AUH: variants seen among roughly 807,000 people sequenced by gnomAD.
The protein encoded by AUH is AU RNA binding methylglutaconyl-CoA hydratase, also known as methylglutaconyl-CoA hydratase, mitochondrial.
In AUH, 29 loss-of-function variants were observed where a neutral mutation model predicts 42.3. The observed-to-expected ratio is 0.69, with a 90% CI of 0.51 to 0.93. The LOEUF (loss-of-function observed/expected upper bound fraction) is 0.93, where lower values mean the gene tolerates loss of function less well. AUH is among the 40% of genes least tolerant of loss of function. The probability of loss-of-function intolerance (pLI) is 0.00; values close to 1 mark genes in which losing one functional copy is unlikely to be tolerated. For missense variants in AUH, 452 were observed against 438.1 expected, an observed-to-expected ratio of 1.03 and a Z score of -0.28; for synonymous variants, 174 against 166.4, an observed-to-expected ratio of 1.05 and a Z score of -0.35.
Position 91,330,491 on chromosome 9 carries a change from T to C in AUH, c.419-5087A>G, listed in dbSNP as rs145228908. On this transcript the variant is annotated intron_variant, in intron 3 of 9. Transcript: ENST00000375731. ...ACAGTCAAGATACCGCATAAAGTAT[T>C]GGTGAAGGTGTAAAGCAATGAGACC... Among the ~76,000 whole-genome samples the C allele has an allele frequency of 3.6e-3, 546 of 152,308 alleles. 2 individuals are homozygous for C. Among genetic ancestry groups the C allele is most frequent in the Middle Eastern group, 6.8e-3 (2 of 294 alleles).
At chr9:91,261,489 TTC>T (rs1489231155) in intron 6 of AUH, among the ~76,000 whole-genome samples, 1 of 152,068 alleles carries the variant, frequency 6.6e-6, no homozygotes, top group Non-Finnish European at 1.5e-5. Flanking sequence ...CTGCTTACAG[TTC>T]TCTTTCTCTG....
At chr9:91,244,308 T>C (rs1254800970) in intron 6 of AUH, among the ~76,000 whole-genome samples, 1 of 152,180 alleles carries the variant, frequency 6.6e-6, no homozygotes, top group Non-Finnish European at 1.5e-5. Flanking sequence ...AGAATATCAG[T>C]TAAAATAACA....
At chr9:91,348,271 G>A (rs916507764) in intron 3 of AUH, among the ~76,000 whole-genome samples, 3 of 152,130 alleles carry the variant, frequency 2.0e-5, no homozygotes, top group Non-Finnish European at 4.4e-5. Flanking sequence ...TCAAGTGTTG[G>A]TAAGCATGTG....
chr9:91,324,206 T>C (rs1482934615), intron 4 of AUH, among the ~76,000 whole-genome samples: 1 of 152,182 alleles, frequency 6.6e-6, no homozygotes, highest in East Asian at 1.9e-4. Context: ...AAAGGCAATT[T>C]ACAAATGAAG....
chr9:91,290,464 C>A (rs1289877150), intron 6 of AUH, among the ~76,000 whole-genome samples: 14 of 152,120 alleles, frequency 9.2e-5, no homozygotes, highest in Admixed American at 9.2e-4. Context: ...TTTGTAAGTA[C>A]ATGGGAATAT....
intron 6 of AUH, among the ~76,000 whole-genome samples, chr9:91,228,082 A>G (rs1187806816): frequency 1.3e-5 from 2 of 152,190 alleles, no homozygotes; most frequent in African/African-American, 4.8e-5. Context: ...TGAGTTAGGG[A>G]GGATTCCCTC....
At chr9:91,239,476 T>C (rs2004506673) in intron 6 of AUH, among the ~76,000 whole-genome samples, 1 of 152,204 alleles carries the variant, frequency 6.6e-6, no homozygotes, top group African/African-American at 2.4e-5. Flanking sequence ...CCTGTGGGAC[T>C]CTGTGTCAGA....
intron 6 of AUH, among the ~76,000 whole-genome samples, chr9:91,261,628 T>C (rs1829713298): frequency 6.6e-6 from 1 of 152,260 alleles, no homozygotes; most frequent in Admixed American, 6.5e-5. Flanking sequence ...TCCTGTGTTG[T>C]ATCTCACATA....
chr9:91,246,983 C>A (rs1426929008), intron 6 of AUH, among the ~76,000 whole-genome samples: 1 of 152,206 alleles, frequency 6.6e-6, no homozygotes, highest in Non-Finnish European at 1.5e-5. Context: ...AAAAGATACC[C>A]AAGGCCTTGT....
At chr9:91,281,540 A>G (rs776779032) in intron 6 of AUH, among the ~76,000 whole-genome samples, 2 of 152,162 alleles carry the variant, frequency 1.3e-5, no homozygotes, top group Non-Finnish European at 2.9e-5. Context: ...AGTCTACTTA[A>G]AAGTGTACTT....
chr9:91,228,919 C>T (rs1173281159), intron 6 of AUH, among the ~76,000 whole-genome samples: 1 of 152,144 alleles, frequency 6.6e-6, no homozygotes, highest in Non-Finnish European at 1.5e-5. Flanking sequence ...GTCTGAGAGA[C>T]AGTTTGTTTT....
chr9:91,359,616 T>A (rs759340348), intron 1 of AUH, among the ~76,000 whole-genome samples: 1 of 152,140 alleles, frequency 6.6e-6, no homozygotes, highest in Non-Finnish European at 1.5e-5. Context: ...TATAGAGCTA[T>A]GCCTCCTACA....
chr9:91,332,700 T>A (rs1439863616), intron 3 of AUH, among the ~76,000 whole-genome samples: 1 of 152,106 alleles, frequency 6.6e-6, no homozygotes, highest in Non-Finnish European at 1.5e-5. Flanking sequence ...GGAAGTGGAA[T>A]TTATGATGAA....
intron 3 of AUH, among the ~76,000 whole-genome samples, chr9:91,330,006 C>G (rs1830215640): frequency 6.6e-6 from 1 of 151,740 alleles, no homozygotes; most frequent in Non-Finnish European, 1.5e-5. Flanking sequence ...GTGATAAGAC[C>G]AAAATAAAAC....
intron 3 of AUH, among the ~76,000 whole-genome samples, chr9:91,342,297 C>T (rs1322672298): frequency 3.9e-5 from 6 of 152,184 alleles, no homozygotes. Context: ...TCAGAGTCCT[C>T]CTGCCTCCCT....
chr9:91,303,080 A>G (rs2131699476), intron 4 of AUH, among the ~76,000 whole-genome samples: 1 of 152,330 alleles, frequency 6.6e-6, no homozygotes, highest in East Asian at 1.9e-4. Flanking sequence ...AAATATAATT[A>G]AAGCAAACAA....
chr9:91,349,370 G>A (rs1233725388), intron 3 of AUH, among the ~76,000 whole-genome samples: 1 of 152,024 alleles, frequency 6.6e-6, no homozygotes, highest in Non-Finnish European at 1.5e-5. Context: ...TATATCTTAG[G>A]AAATTTCAAA....
Position 91,289,999 on chromosome 9 carries a change from C to T in AUH, c.655+6022G>A, listed in dbSNP as rs115327600. 9.7e-3 allele frequency among the ~76,000 whole-genome samples: 1,474 copies of T among 151,980 alleles called. 26 individuals carry two copies. The highest frequency in any genetic ancestry group is 0.033 in the African/African-American group (1,380 of 41,456). ...ATACTATTGAAATTTTTATTAATAA[C>T]GAAAATGAATCTGATTTTCATTTAC... is the stretch of plus-strand genomic sequence containing the variant. On this transcript the variant is annotated intron_variant, in intron 6 of 9. Coordinates refer to ENST00000375731, the MANE Select transcript of AUH (RefSeq NM_001698.3).
rs980070227 is a variant in AUH, at chr9:91,295,926, C to T, written c.655+95G>A. 3 of 1,403,056 alleles carry T rather than the reference C, an allele frequency of 2.1e-6. No homozygotes were observed. The South Asian group carries it at 3.5e-5, about 16-fold the overall frequency. The allele number at this position is 1,403,056 out of a possible 1,614,324, so 86.9% of individuals were successfully genotyped here. A position where few individuals can be genotyped will look rare whatever the true frequency, so the allele number is the denominator to read the frequency against. ...AACAATATGCCATTGTCTCTTTACG[C>T]AAAATGTTGCCTTTCCAATTAACAT... On this transcript the variant is annotated intron_variant, in intron 6 of 9. Transcript: ENST00000375731.
Sources: gnomAD v4.1 joint callset for allele counts (sites outside exome capture counted in the v4.1 genomes callset) on GRCh38, gnomAD v4.1.1 for gene constraint, MANE v1.5 for transcripts, NCBI Gene and HGNC (gene_info 2026-07-23, HGNC 2026-07-21) for gene names.